SPATA20: variants seen among roughly 807,000 people sequenced by gnomAD.
SPATA20 encodes spermatogenesis associated 20.
Under a neutral mutation model 98.9 loss-of-function variants are expected in SPATA20, and 74 were observed. That is an observed-to-expected ratio of 0.75 (90% confidence interval 0.62 to 0.91). The LOEUF is 0.91. Ranked by LOEUF, SPATA20 falls within the 40% of genes least tolerant of loss-of-function variation. The probability of loss-of-function intolerance (pLI) is 0.00; values close to 1 mark genes in which losing one functional copy is unlikely to be tolerated. For synonymous variants in SPATA20, 430 were observed against 440.5 expected, an observed-to-expected ratio of 0.98 and a Z score of 0.30; for missense variants, 1,016 against 1,069.8, an observed-to-expected ratio of 0.95 and a Z score of 0.70.
chr17:50,549,700 T>C (rs1325835654), intron 7 of SPATA20, among the ~76,000 whole-genome samples: 1 of 152,174 alleles, frequency 6.6e-6, no homozygotes, highest in African/African-American at 2.4e-5. Context: ...TGACCTTCTG[T>C]CCCCTGACTT....
chr17:50,551,707 C>T (rs778325688), intron 13 of SPATA20, 28 bp downstream of exon 13: 1 of 1,575,890 alleles, frequency 6.3e-7, no homozygotes, highest in Non-Finnish European at 8.7e-7. Flanking sequence ...CCGGGAGGGC[C>T]CGTCTCCCCA....
At chr17:50,553,388 G>A (rs1015924787) in intron 14 of SPATA20, among the ~76,000 whole-genome samples, 1 of 152,284 alleles carries the variant, frequency 6.6e-6, no homozygotes, top group South Asian at 2.1e-4. Flanking sequence ...AAGGCCTGGA[G>A]GGAAAGAGGG....
rs1177589272 is a variant in SPATA20 at position 50,552,181 on chromosome 17, G to T, written c.1957+1G>T. On this transcript the variant is annotated splice_donor_variant, in intron 14 of 16. Coordinates refer to ENST00000006658, the MANE Select transcript of SPATA20 (RefSeq NM_022827.4). LOFTEE classifies it high-confidence loss of function. ...GGCCTGCCCCTGCGTCTGAAGGACG[G>T]TCAGTGGGGGTGCAGGGCTAGTCTG... 2 of 1,613,292 alleles carry T rather than the reference G, an allele frequency of 1.2e-6. No homozygotes were observed. Among genetic ancestry groups the T allele is most frequent in the South Asian group, 2.2e-5 (2 of 91,006 alleles).
chr17:50,554,232 G>T lies in SPATA20; in HGVS notation c.1958-19G>T, dbSNP rs780073528. The T allele has an allele frequency of 6.2e-7, 1 of 1,612,748 alleles. No individual in the cohort carries two copies. The highest frequency in any genetic ancestry group is 1.1e-5 in the South Asian group (1 of 91,048). ...TGACCTGCCCTTACCCCCACCCCCT[G>T]CCTCCCTATGTGCTGTAGACCAGGA... On this transcript the variant is annotated intron_variant, in intron 14 of 16. Coordinates refer to ENST00000006658, the MANE Select transcript of SPATA20 (RefSeq NM_022827.4).
intron 1 of SPATA20, 50 bp downstream of exon 1, chr17:50,547,335 G>T (rs1478830991): frequency 2.0e-5 from 27 of 1,381,296 alleles, no homozygotes; most frequent in South Asian, 3.1e-5. Context: ...CCTGCCTGCG[G>T]GCCCAGTGGA....
chr17:50,549,214 C>T (rs8077587), intron 6 of SPATA20, 28 bp downstream of exon 6: 408,407 of 1,592,546 alleles, frequency 0.26, 60,476 homozygotes, highest in African/African-American at 0.63. Context: ...AGTTGGGGGA[C>T]CAGGGTGGGG....
At position 50,548,461 on chromosome 17, in the gene SPATA20, C is replaced by T. The variant is rs762638335; in HGVS notation, c.296+8C>T. Reference sequence around the variant, plus strand: ...CTACAATCCTGTGGACTGGTGAGCACCTCTCCTGGGGCCCTGCCTGGAATC... The same window carrying T: ...CTACAATCCTGTGGACTGGTGAGCATCTCTCCTGGGGCCCTGCCTGGAATC... On this transcript the variant is annotated splice_region_variant and intron_variant, in intron 3 of 16. Transcript: ENST00000006658. The T allele has an allele frequency of 1.2e-6, 2 of 1,613,850 alleles. No homozygotes were observed. Among genetic ancestry groups the T allele is most frequent in the Non-Finnish European group, 1.7e-6 (2 of 1,179,884 alleles).
Position 50,550,296 on chromosome 17 carries a change from A to G in SPATA20, c.1082A>G (p.Tyr361Cys). The change falls in exon 9 of 17, where the codon TAT (tyrosine) becomes TGT (cysteine). Residue 361 changes from tyrosine (Y) to cysteine (C), a missense_variant. Coordinates refer to ENST00000006658, the MANE Select transcript of SPATA20 (RefSeq NM_022827.4). ...LYDQAQLAVAYSQAFQLSGDE... is the reference protein window; with the variant it reads ...LYDQAQLAVACSQAFQLSGDE... ...GACCAGGCACAGCTCGCTGTGGCCT[A>G]TTCGCAGGCCTTCCAGGTGACCCCT... The G allele has an allele frequency of 1.3e-6, 2 of 1,589,686 alleles. No individual in the cohort carries two copies. The highest frequency in any genetic ancestry group is 1.7e-5 in the Admixed American group (1 of 59,202).
At chr17:50,547,916 T>C in intron 2 of SPATA20, 149 bp downstream of exon 2, 1 of 1,459,298 alleles carries the variant, frequency 6.9e-7, no homozygotes, top group Non-Finnish European at 9.3e-7. Flanking sequence ...GCCAGAGAGA[T>C]GCCTCCAAGC....
rs1034067997 is a variant in SPATA20 at position 50,548,673 on chromosome 17, G to A, written c.361+55G>A. On this transcript the variant is annotated intron_variant, in intron 4 of 16. Coordinates refer to ENST00000006658, the MANE Select transcript of SPATA20 (RefSeq NM_022827.4). ...GTGTGGGCAGGGAGTGGCAGTGGATGGGGGAGGGTCCTCTCGGCCTGGCGG... is the reference window on the plus strand; with the variant it reads ...GTGTGGGCAGGGAGTGGCAGTGGATAGGGGAGGGTCCTCTCGGCCTGGCGG... 159 of 1,598,600 alleles carry A rather than the reference G, an allele frequency of 9.9e-5. No individual in the cohort carries two copies. The African/African-American group carries it at 1.9e-3, about 19-fold the overall frequency.
At position 50,548,829 on chromosome 17, in the gene SPATA20, C is replaced by G. The variant is rs1567908873; in HGVS notation, c.381C>G (p.His127Gln). ...GTTCAGTCGGGTACTCCACCTGCCA[C>G]TGGTGCCACATGATGGAAGAGGAGT... ...IFLSVGYSTCHWCHMMEEESF... is the reference protein window; with the variant it reads ...IFLSVGYSTCQWCHMMEEESF... Residue 127 changes from histidine (H) to glutamine (Q), a missense_variant, in exon 5 of 17, where the codon CAC (histidine) becomes CAG (glutamine). Transcript: ENST00000006658. The G allele has an allele frequency of 1.9e-6, 3 of 1,613,820 alleles. No individual in the cohort carries two copies. The highest frequency in any genetic ancestry group is 1.7e-5 in the Admixed American group (1 of 60,014).
intron 15 of SPATA20, among the ~76,000 whole-genome samples, 162 bp downstream of exon 15, chr17:50,554,612 T>C (rs932920988): frequency 7.2e-5 from 11 of 152,112 alleles, no homozygotes; most frequent in African/African-American, 2.4e-4. Context: ...GAAGTTAATA[T>C]GAGTCCGTGG....
Position 50,551,543 on chromosome 17 carries a change from G to C in SPATA20, c.1609G>C (p.Ala537Pro). ...GGTGTCAGGCTATGCTGTGACTGGG[G>C]CTGTCCTGGGCCAAGACAGGCTGAT... ...LMVSGYAVTG[A>P]VLGQDRLINY... Residue 537 changes from alanine (A) to proline (P), a missense_variant, in exon 13 of 17, where the codon GCT (alanine) becomes CCT (proline). Physicochemically the swap from Ala to Pro is conservative, Grantham distance 27 (BLOSUM62 -1). Transcript: ENST00000006658. 1 of 1,600,186 alleles carries C rather than the reference G, an allele frequency of 6.2e-7. No homozygotes were observed. Among genetic ancestry groups the C allele is most frequent in the Non-Finnish European group, 8.6e-7 (1 of 1,168,402 alleles).
In SPATA20 at chr17:50,547,187, G is replaced by C. The variant is rs1035796385; in HGVS notation, c.-22G>C. The C allele has an allele frequency of 1.6e-5, 23 of 1,416,774 alleles. No homozygotes were observed. Among genetic ancestry groups the C allele is most frequent in the Admixed American group, 6.3e-5 (2 of 31,674 alleles). 87.8% of individuals were successfully genotyped at this position (1,416,774 alleles called of 1,614,324 possible). A position where few individuals can be genotyped will look rare whatever the true frequency, so the allele number is the denominator to read the frequency against. On this transcript the variant is annotated 5_prime_UTR_variant, in exon 1 of 17. Transcript: ENST00000006658. ...ACTTCCCTTCCTGTCCTCAGCGGCC[G>C]GGCCCACGGCCCCGAGCAGCCATGC...
At chr17:50,551,360 G>T in intron 12 of SPATA20, 151 bp from the exon 13 acceptor site, 2 of 1,200,800 alleles carry the variant, frequency 1.7e-6, no homozygotes, top group Non-Finnish European at 2.3e-6. Flanking sequence ...ACGCGCAAGG[G>T]CTGGGAACCC....
Position 50,548,114 on chromosome 17 carries a change from A to G in SPATA20, c.126-169A>G, listed in dbSNP as rs146830366. On this transcript the variant is annotated intron_variant, in intron 2 of 16. Coordinates refer to ENST00000006658, the MANE Select transcript of SPATA20 (RefSeq NM_022827.4). ...GCCACCTCTCCTCACCCCCCAAAAA[A>G]CATAAGGGGGAGCACAAAGGCCACA... The G allele has an allele frequency of 7.7e-5, 116 of 1,504,850 alleles. 1 individual carries two copies. The highest frequency in any genetic ancestry group is 6.9e-4 in the Middle Eastern group (4 of 5,802). 93.2% of individuals were successfully genotyped at this position (1,504,850 alleles called of 1,614,324 possible).
intron 9 of SPATA20, 49 bp downstream of exon 9, chr17:50,550,361 C>T: frequency 2.1e-6 from 3 of 1,440,072 alleles, no homozygotes; most frequent in Non-Finnish European, 2.9e-6. Context: ...TCTGGCTGCC[C>T]CTCCCAAGGC....
chr17:50,553,522 G>A (rs190715396), intron 14 of SPATA20, among the ~76,000 whole-genome samples: 5 of 152,044 alleles, frequency 3.3e-5, no homozygotes, highest in East Asian at 1.9e-4. Context: ...GGAGGGCACC[G>A]AGGAGAATGC....
Position 50,552,264 on chromosome 17 carries a change from C to T in SPATA20, c.1957+84C>T, listed in dbSNP as rs377076364. On this transcript the variant is annotated intron_variant, in intron 14 of 16. Transcript: ENST00000006658. ...AAGAGCTGGTGTGGGCAGGAGCCCTCCTGGCTTTGTGTCTCTGCTACTTAT... is the reference window on the plus strand; with the variant it reads ...AAGAGCTGGTGTGGGCAGGAGCCCTTCTGGCTTTGTGTCTCTGCTACTTAT... The T allele has an allele frequency of 4.6e-5, 54 of 1,183,652 alleles. No homozygotes were observed. The African/African-American group carries it at 8.1e-4, about 18-fold the overall frequency. The allele number at this position is 1,183,652 out of a possible 1,614,324, so 73.3% of individuals were successfully genotyped here.
Sources: allele counts gnomAD v4.1 joint callset (sites outside exome capture counted in the v4.1 genomes callset), GRCh38; gene constraint gnomAD v4.1.1; transcripts MANE v1.5; gene names NCBI Gene and HGNC (gene_info 2026-07-23, HGNC 2026-07-21).